ADAMTS2: variants seen among roughly 807,000 people sequenced by gnomAD.
The protein encoded by ADAMTS2 is A disintegrin and metalloproteinase with thrombospondin motifs 2.
A neutral mutation model predicts 123.0 loss-of-function variants in ADAMTS2; 50 were observed. The observed-to-expected ratio is 0.41, with a 90% confidence interval of 0.32 to 0.51. The LOEUF is 0.51. Ranked by LOEUF, ADAMTS2 falls within the 20% of genes least tolerant of loss-of-function variation. The pLI is 0.35. For synonymous variants in ADAMTS2, 678 were observed against 695.4 expected (o/e 0.98, Z 0.39); for missense variants, 1,494 against 1,705.2 (o/e 0.88, Z 2.18).
chr5:179,319,363 G>A (rs147848896), intron 2 of ADAMTS2, among the ~76,000 whole-genome samples: 3 of 152,226 alleles, frequency 2.0e-5, no homozygotes, highest in African/African-American at 7.2e-5. Flanking sequence ...TCATACATGT[G>A]TATCATATGC....
chr5:179,276,811 TG>T (rs1294103672), intron 2 of ADAMTS2, among the ~76,000 whole-genome samples: 1 of 152,128 alleles, frequency 6.6e-6, no homozygotes, highest in East Asian at 1.9e-4. Context: ...CTCCATCTTC[TG>T]GGGGAACTTG....
intron 3 of ADAMTS2, among the ~76,000 whole-genome samples, chr5:179,245,690 C>T (rs1202135312): frequency 3.8e-5 from 5 of 130,358 alleles, no homozygotes; most frequent in South Asian, 2.6e-4. Context: ...GGCGTGAACC[C>T]GGGAGGCGGA....
intron 4 of ADAMTS2, among the ~76,000 whole-genome samples, chr5:179,200,382 G>A (rs1308410425): frequency 6.6e-6 from 1 of 151,476 alleles, no homozygotes; most frequent in East Asian, 1.9e-4. Context: ...CCGAGTAGCT[G>A]GGATTACAGG....
intron 3 of ADAMTS2, among the ~76,000 whole-genome samples, chr5:179,267,395 A>C (rs905573122): frequency 2.6e-4 from 39 of 152,182 alleles, no homozygotes; most frequent in Non-Finnish European, 1.0e-4. Context: ...CCCGTCAGGG[A>C]GGATGCTGCA....
At chr5:179,139,830 G>GT in intron 11 of ADAMTS2, 60 bp downstream of exon 11, 1 of 1,606,162 alleles carries the variant, frequency 6.2e-7, no homozygotes, top group Non-Finnish European at 8.5e-7. Context: ...TGGCTGGAGA[G>GT]GGTCTCCTGG....
chr5:179,208,853 C>T (rs567802030), intron 3 of ADAMTS2, among the ~76,000 whole-genome samples: 5 of 152,312 alleles, frequency 3.3e-5, no homozygotes, highest in South Asian at 2.1e-4. Context: ...ACTCCTGGCC[C>T]GGGACAGACC....
intron 10 of ADAMTS2, among the ~76,000 whole-genome samples, chr5:179,140,541 C>T (rs1197425523): frequency 1.5e-4 from 23 of 152,144 alleles, no homozygotes; most frequent in Admixed American, 1.5e-3. Flanking sequence ...AAAATGATTC[C>T]ACATCTTAAT....
intron 2 of ADAMTS2, among the ~76,000 whole-genome samples, chr5:179,319,238 G>A (rs1444925350): frequency 6.6e-6 from 1 of 152,176 alleles, no homozygotes; most frequent in Non-Finnish European, 1.5e-5. Context: ...TGTGACACAT[G>A]CATCACATAC....
chr5:179,151,188 C>T (rs1763350240), intron 10 of ADAMTS2: 1 of 316,430 alleles, frequency 3.2e-6, no homozygotes, highest in South Asian at 2.7e-5. Context: ...TGAGCCACCG[C>T]GCCCGGCCTG....
chr5:179,249,808 C>A (rs935101871), intron 3 of ADAMTS2, among the ~76,000 whole-genome samples: 1 of 152,120 alleles, frequency 6.6e-6, no homozygotes, highest in African/African-American at 2.4e-5. Flanking sequence ...ACTGGGAATT[C>A]TACCTATCAC....
chr5:179,144,593 C>G (rs1206781056), intron 10 of ADAMTS2, among the ~76,000 whole-genome samples: 1 of 152,176 alleles, frequency 6.6e-6, no homozygotes, highest in Admixed American at 6.5e-5. Flanking sequence ...GAACAAAAGC[C>G]TAGAACTAAA....
chr5:179,272,945 G>C lies in ADAMTS2; in HGVS notation c.654C>G (p.Ser218=), dbSNP rs1581236091. Reference sequence around the variant, plus strand: ...GGGCCTGTGGCCCCCCGAGAGGAGGGGACGTGGGTGGCCGGCGATACACCA... The same window carrying C: ...GGGCCTGTGGCCCCCCGAGAGGAGGCGACGTGGGTGGCCGGCGATACACCA... ...VHVVYRRPPT[S]PPLGGPQALD... Residue 218 remains serine, a synonymous_variant, in exon 3 of 22, where the codon TCC becomes TCG. Coordinates refer to ENST00000251582, the MANE Select transcript of ADAMTS2 (RefSeq NM_014244.5). The surrounding 1 kb of genome is among the most constrained non-coding windows in gnomAD (Gnocchi z 5.8). The C allele has an allele frequency of 1.9e-6, 3 of 1,611,880 alleles. No individual in the cohort carries two copies. The highest frequency in any genetic ancestry group is 2.5e-6 in the Non-Finnish European group (3 of 1,179,990).
At chr5:179,337,472 G>GTACTCCTAC (rs1757645438) in intron 2 of ADAMTS2, among the ~76,000 whole-genome samples, 1 of 152,182 alleles carries the variant, frequency 6.6e-6, no homozygotes, top group African/African-American at 2.4e-5. Flanking sequence ...AAGACATGCA[G>GTACTCCTAC]AGGCAACATG....
Position 179,152,147 on chromosome 5 carries a change from C to T in ADAMTS2, c.1624G>A (p.Gly542Ser), listed in dbSNP as rs1397672898. Residue 542 changes from glycine to serine, a missense_variant, in exon 10 of 22, where the codon GGC becomes AGC. Transcript: ENST00000251582. ...PPLDGTMCAP[G>S]KHCFKGHCIW... ...AGCCCTTGATGCTGCCTCACCTTGC[C>T]AGGTGCACACATAGTCCCGTCCAAG... is the stretch of plus-strand genomic sequence containing the variant. The T allele has an allele frequency of 9.3e-6, 15 of 1,613,492 alleles. No individual in the cohort carries two copies. The highest frequency in any genetic ancestry group is 1.2e-5 in the Non-Finnish European group (14 of 1,179,488).
In ADAMTS2 at chr5:179,181,364, G is replaced by A. The variant is rs1221692221; in HGVS notation, c.892-209C>T. 1.3e-5 allele frequency among the ~76,000 whole-genome samples: 2 copies of A among 152,048 alleles called. 1 individual carries two copies. The highest frequency in any genetic ancestry group is 1.3e-4 in the Admixed American group (2 of 15,268). Reference sequence around the variant, plus strand: ...GCCACCACCACCTGCTGGGATCACTGTAGCCCCTTCCTGAGCAACCCCACC... The same window carrying A: ...GCCACCACCACCTGCTGGGATCACTATAGCCCCTTCCTGAGCAACCCCACC... On this transcript the variant is annotated intron_variant, in intron 4 of 21. Transcript: ENST00000251582. The surrounding 1 kb of genome is among the most constrained non-coding windows in gnomAD (Gnocchi z 4.1).
In ADAMTS2 at chr5:179,189,592, C is replaced by T. The variant is rs1764256926; in HGVS notation, c.892-8437G>A. Among the ~76,000 whole-genome samples, 1 of 130,948 alleles carries T rather than the reference C, an allele frequency of 7.6e-6. No homozygotes were observed. Among genetic ancestry groups the T allele is most frequent in the Non-Finnish European group, 1.5e-5 (1 of 64,528 alleles). The allele number at this position is 130,948 out of a possible 152,430, so 85.9% of individuals were successfully genotyped here. On this transcript the variant is annotated intron_variant, in intron 4 of 21. Transcript: ENST00000251582. The surrounding 1 kb of genome is among the most constrained non-coding windows in gnomAD (Gnocchi z 4.2). ...CAGGATGGTCTTGATCTCCTGACTT[C>T]ATGATCTGCCCGCCTCGGCCTCCCA...
At chr5:179,299,494 A>T (rs1051859041) in intron 2 of ADAMTS2, among the ~76,000 whole-genome samples, 3 of 144,258 alleles carry the variant, frequency 2.1e-5, no homozygotes, top group South Asian at 2.3e-4. Flanking sequence ...ACACCACAGC[A>T]CTCCAGCCTG....
chr5:179,192,981 G>A (rs532334108), intron 4 of ADAMTS2, among the ~76,000 whole-genome samples: 34 of 152,324 alleles, frequency 2.2e-4, no homozygotes, highest in African/African-American at 7.9e-4. Flanking sequence ...ACCCCAGCGG[G>A]CTCCCAGGGT....
At chr5:179,275,202 C>T (rs376753884) in intron 2 of ADAMTS2, among the ~76,000 whole-genome samples, 1 of 152,032 alleles carries the variant, frequency 6.6e-6, no homozygotes, top group East Asian at 1.9e-4. Flanking sequence ...GGCTGCGGAA[C>T]AAAAATGGGT....
Sources: gnomAD v4.1 joint callset for allele counts (sites outside exome capture counted in the v4.1 genomes callset) on GRCh38, gnomAD v4.1.1 for gene constraint, Gnocchi (gnomAD v3.1) non-coding constraint, MANE v1.5 for transcripts, NCBI Gene and HGNC (gene_info 2026-07-23, HGNC 2026-07-21) for gene names.